The following PCDH11X variants were observed in gnomAD, a reference collection of about 807,000 sequenced individuals.
The protein encoded by PCDH11X is protocadherin 11 X-linked, also known as protocadherin-11 X-linked.
PCDH11X carries 18 observed loss-of-function variants against 53.3 expected under a neutral mutation model. The ratio of observed to expected loss-of-function variants is 0.34; its 90% CI spans 0.23 to 0.50. PCDH11X has a LOEUF of 0.50. PCDH11X is among the 20% of genes least tolerant of loss of function. The pLI, the probability that PCDH11X is intolerant of heterozygous loss-of-function variation, is 0.98. For missense variants in PCDH11X, 570 were observed against 1,032.4 expected (o/e 0.55, Z 6.14); for synonymous variants, 279 against 393.3 (o/e 0.71, Z 3.44).
chrX:91,978,675 C>T (rs1314970961), intron 6 of PCDH11X, among the ~76,000 whole-genome samples: 2 of 111,055 alleles, frequency 1.8e-5, no homozygotes, highest in African/African-American at 6.5e-5. Flanking sequence ...CAATCTCTTC[C>T]TCTTGTCCAC....
chrX:92,523,158 G>A (rs112923412), intron 10 of PCDH11X, among the ~76,000 whole-genome samples: 1,771 of 111,855 alleles, frequency 0.016, 39 homozygotes, highest in African/African-American at 0.054. Context: ...CCATTCTGTC[G>A]TTGCTATCCA....
At chrX:92,153,945 T>G (rs1198458313) in intron 6 of PCDH11X, among the ~76,000 whole-genome samples, 1 of 111,504 alleles carries the variant, frequency 9.0e-6, no homozygotes, top group African/African-American at 3.3e-5. Context: ...AACAAAAAGA[T>G]AGTTATTACT....
At chrX:92,613,298 A>G (rs1410142486) in intron 10 of PCDH11X, among the ~76,000 whole-genome samples, 2 of 111,109 alleles carry the variant, frequency 1.8e-5, no homozygotes, top group Non-Finnish European at 3.8e-5. Context: ...GATGGTAACA[A>G]AGTTTTTCAG....
intron 4 of PCDH11X, among the ~76,000 whole-genome samples, chrX:91,827,042 G>C (rs1936948864): frequency 9.0e-6 from 1 of 111,244 alleles, no homozygotes; most frequent in Non-Finnish European, 1.9e-5. Context: ...TCACTATGCT[G>C]CTTCCCACTA....
chrX:92,388,776 A>T (rs1331529830), intron 9 of PCDH11X, among the ~76,000 whole-genome samples: 2 of 106,563 alleles, frequency 1.9e-5, no homozygotes, highest in Admixed American at 1.0e-4. Flanking sequence ...ATATGAAAAA[A>T]AATGGGCCAA....
intron 6 of PCDH11X, among the ~76,000 whole-genome samples, chrX:91,897,855 G>T (rs899530572): frequency 6.3e-5 from 7 of 111,778 alleles, no homozygotes; most frequent in African/African-American, 2.3e-4. Flanking sequence ...TTTATAAAAA[G>T]GAGAAAAAGA....
intron 8 of PCDH11X, among the ~76,000 whole-genome samples, chrX:92,352,707 T>A (rs1417315988): frequency 9.0e-6 from 1 of 111,319 alleles, no homozygotes; most frequent in African/African-American, 3.3e-5. Flanking sequence ...CCCCTTTTCC[T>A]AGGGATGTGG....
chrX:91,883,418 A>G, intron 6 of PCDH11X: 1 of 750,312 alleles, frequency 1.3e-6, no homozygotes, highest in Non-Finnish European at 1.6e-6. Context: ...AACAAACAAA[A>G]AACAAAACCA....
At chrX:92,218,183 A>G (rs1194313128) in intron 7 of PCDH11X, among the ~76,000 whole-genome samples, 1 of 110,767 alleles carries the variant, frequency 9.0e-6, no homozygotes, top group Non-Finnish European at 1.9e-5. Flanking sequence ...AGAAGGCAAG[A>G]AATAACTAAA....
At chrX:92,267,454 GCCATTC>G in intron 8 of PCDH11X, among the ~76,000 whole-genome samples, 5 of 112,380 alleles carry the variant, frequency 4.4e-5, no homozygotes, top group Admixed American at 9.4e-5. Context: ...GCAAGTAAAA[GCCATTC>G]TCTGTCATTG....
chrX:92,292,248 A>G (rs1375934252), intron 8 of PCDH11X, among the ~76,000 whole-genome samples: 1 of 112,461 alleles, frequency 8.9e-6, no homozygotes, highest in Non-Finnish European at 1.9e-5. Flanking sequence ...GGAAAAAAAT[A>G]TTTTGAATGT....
At chrX:92,568,393 G>A (rs1274595243) in intron 10 of PCDH11X, among the ~76,000 whole-genome samples, 6 of 107,949 alleles carry the variant, frequency 5.6e-5, no homozygotes, top group Admixed American at 3.0e-4. Flanking sequence ...CTGCATTCCA[G>A]CCTGGGTGAC....
chrX:92,174,805 G>C (rs1020084250), intron 6 of PCDH11X, among the ~76,000 whole-genome samples: 1 of 111,228 alleles, frequency 9.0e-6, no homozygotes, highest in Middle Eastern at 4.2e-3. Flanking sequence ...TTGATGTTAA[G>C]ACCTAGAGGC....
intron 9 of PCDH11X, among the ~76,000 whole-genome samples, chrX:92,447,747 G>T (rs2072686494): frequency 8.9e-6 from 1 of 112,543 alleles, no homozygotes; most frequent in South Asian, 3.7e-4. Flanking sequence ...CTGTCCCTCA[G>T]ACCCCAGAAT....
At chrX:92,335,195 G>T (rs2069589258) in intron 8 of PCDH11X, among the ~76,000 whole-genome samples, 1 of 68,186 alleles carries the variant, frequency 1.5e-5, no homozygotes, top group Non-Finnish European at 2.6e-5. Flanking sequence ...TTGAATCTAT[G>T]TAAAATCAAT....
chrX:92,030,122 C>T (rs1476324645), intron 6 of PCDH11X, among the ~76,000 whole-genome samples: 1 of 111,172 alleles, frequency 9.0e-6, no homozygotes, highest in Non-Finnish European at 1.9e-5. Context: ...GCCACCATGC[C>T]CAGCTAAGTT....
chrX:92,452,564 C>T (rs2072821150), intron 9 of PCDH11X, among the ~76,000 whole-genome samples: 1 of 85,682 alleles, frequency 1.2e-5, no homozygotes, highest in Non-Finnish European at 2.2e-5. Context: ...GTGGCATGAT[C>T]TCTGCTCACT....
chrX:92,542,095 T>G (rs188948090), intron 10 of PCDH11X, among the ~76,000 whole-genome samples: 252 of 112,062 alleles, frequency 2.2e-3, no homozygotes, highest in African/African-American at 7.7e-3. Flanking sequence ...TAATTATATT[T>G]TATAGCATAT....
chrX:92,147,806 C>CCTTCCTTT, intron 6 of PCDH11X, among the ~76,000 whole-genome samples: 1 of 65,261 alleles, frequency 1.5e-5, no homozygotes, highest in South Asian at 1.1e-3. Context: ...TTCTTTTCTT[C>CCTTCCTTT]CTTCCTTTCT....
Sources: gnomAD v4.1 joint callset for allele counts (sites outside exome capture counted in the v4.1 genomes callset) on GRCh38, gnomAD v4.1.1 for gene constraint, MANE v1.5 for transcripts, NCBI Gene and HGNC (gene_info 2026-07-23, HGNC 2026-07-21) for gene names.